The following MYLK3 variants were observed in gnomAD, a reference collection of about 807,000 sequenced individuals.
MYLK3 encodes the protein MLC kinase.
Under a neutral mutation model 76.3 loss-of-function variants are expected in MYLK3, and 55 were observed. The observed-to-expected ratio is 0.72, with a 90% CI of 0.58 to 0.90. The LOEUF is 0.90. MYLK3 is among the 40% of genes least tolerant of loss of function. The pLI is 0.00. For synonymous variants in MYLK3, 416 were observed against 425.4 expected, an observed-to-expected ratio of 0.98 and a Z score of 0.27; for missense variants, 973 against 1,053.6, an observed-to-expected ratio of 0.92 and a Z score of 1.06.
At chr16:46,719,660 T>G (rs1399233723) in intron 9 of MYLK3, among the ~76,000 whole-genome samples, 1 of 152,158 alleles carries the variant, frequency 6.6e-6, no homozygotes, top group African/African-American at 2.4e-5. Context: ...GGCTGCTCAG[T>G]TCTGTGGGTT....
intron 9 of MYLK3, among the ~76,000 whole-genome samples, chr16:46,713,483 C>A (rs373744336): frequency 3.9e-5 from 6 of 152,130 alleles, no homozygotes; most frequent in African/African-American, 1.4e-4. Flanking sequence ...CATGCATGAG[C>A]CACTACACCC....
At chr16:46,736,293 T>C (rs1288590805) in intron 3 of MYLK3, among the ~76,000 whole-genome samples, 1 of 152,198 alleles carries the variant, frequency 6.6e-6, no homozygotes, top group East Asian at 1.9e-4. Context: ...GATCAAGGCA[T>C]GAGCCACAGT....
At chr16:46,719,990 C>A (rs1966783466) in intron 9 of MYLK3, among the ~76,000 whole-genome samples, 1 of 152,100 alleles carries the variant, frequency 6.6e-6, no homozygotes, top group Admixed American at 6.5e-5. Flanking sequence ...CCAGTCTGAC[C>A]CACTTAGTGA....
At chr16:46,740,733 G>T (rs1169614524) in intron 1 of MYLK3, among the ~76,000 whole-genome samples, 1 of 151,676 alleles carries the variant, frequency 6.6e-6, no homozygotes, top group Non-Finnish European at 1.5e-5. Context: ...TGTATTTTTA[G>T]TAGAGACAGG....
Position 46,757,437 on chromosome 16 carries a change from G to A in MYLK3, c.-114+5603C>T, listed in dbSNP as rs757436008. ...CTGCCCTTACCGCAAATATCTGGGTGTAACCCGACGCCCGCTGCTGGCCTC... is the reference window on the plus strand; with the variant it reads ...CTGCCCTTACCGCAAATATCTGGGTATAACCCGACGCCCGCTGCTGGCCTC... On this transcript the variant is annotated intron_variant, in intron 1 of 11. Transcript: ENST00000536476. 29 of 985,344 alleles carry A rather than the reference G, an allele frequency of 2.9e-5. 1 individual carries two copies. The East Asian group carries it at 2.8e-3, about 96-fold the overall frequency. The allele number at this position is 985,344 out of a possible 1,614,324, so 61.0% of individuals were successfully genotyped here. A position where few individuals can be genotyped will look rare whatever the true frequency, so the allele number is the denominator to read the frequency against.
upstream of MYLK3, among the ~76,000 whole-genome samples, chr16:46,750,950 GC>G (rs2143017610): frequency 6.6e-6 from 1 of 152,202 alleles, no homozygotes; most frequent in East Asian, 1.9e-4. Context: ...CTGAGATCAC[GC>G]CATTGCACTC....
At chr16:46,760,060 A>G (rs538235429) in intron 1 of MYLK3, among the ~76,000 whole-genome samples, 2 of 152,246 alleles carry the variant, frequency 1.3e-5, no homozygotes, top group Non-Finnish European at 2.9e-5. Context: ...TGGAACCAGG[A>G]CAACCCGCCT....
chr16:46,719,359 C>T (rs560145631), intron 9 of MYLK3, among the ~76,000 whole-genome samples: 64 of 152,014 alleles, frequency 4.2e-4, no homozygotes, highest in African/African-American at 1.5e-3. Context: ...ATGTGATTCC[C>T]AGAGAAATGT....
chr16:46,740,222 C>A, intron 1 of MYLK3, 75 bp from the exon 2 acceptor site: 1 of 1,192,894 alleles, frequency 8.4e-7, no homozygotes, highest in Admixed American at 1.7e-5. Context: ...TTGTTTAGCA[C>A]CTCCCCCTTG....
intron 5 of MYLK3, chr16:46,729,912 C>T: frequency 1.7e-6 from 1 of 598,788 alleles, no homozygotes; most frequent in South Asian, 2.0e-5. Context: ...GGAACATCCC[C>T]TCATCCCTCA....
Position 46,721,081 on chromosome 16 carries a change from C to T in MYLK3, c.1985+42G>A, listed in dbSNP as rs761187994. ...CCATGCCCAGAGAGCCACAAAGAGT[C>T]CCAAGGAATTTTGTTAAGGTATCTA... On this transcript the variant is annotated intron_variant, in intron 9 of 12. Transcript: ENST00000394809. 4 of 1,565,478 alleles carry T rather than the reference C, an allele frequency of 2.6e-6. No homozygotes were observed. The African/African-American group carries it at 5.4e-5, about 21-fold the overall frequency.
intron 5 of MYLK3, 79 bp from the exon 6 acceptor site, chr16:46,729,766 TCATCCACACACAGGCCATGTGGAC>T: frequency 1.6e-6 from 2 of 1,258,080 alleles, no homozygotes; most frequent in Non-Finnish European, 2.3e-6. Context: ...TGGGTCCAAC[TCATCCACACACAGGCCATGTGGAC>T]CATCCTACAT....
At chr16:46,733,350 C>A (rs899430237) in intron 3 of MYLK3, among the ~76,000 whole-genome samples, 1 of 152,124 alleles carries the variant, frequency 6.6e-6, no homozygotes, top group African/African-American at 2.4e-5. Flanking sequence ...GTGAGAGACC[C>A]TGTCTCAAAA....
Position 46,734,569 on chromosome 16 carries a change from T to G in MYLK3, c.1002-1901A>C, listed in dbSNP as rs576235898. On this transcript the variant is annotated intron_variant, in intron 3 of 12. Transcript: ENST00000394809. ...CCAGGAGGTGGAGTTTGCAGTGAGT[T>G]GAGATCATGCCACTGCACTCCAGCC... Among the ~76,000 whole-genome samples the G allele has an allele frequency of 3.3e-5, 5 of 152,100 alleles. No individual in the cohort carries two copies. In the South Asian group the frequency reaches 1.0e-3, roughly 32 times the overall value.
At chr16:46,708,919 T>C (rs947991761) in intron 12 of MYLK3, among the ~76,000 whole-genome samples, 18 of 152,236 alleles carry the variant, frequency 1.2e-4, no homozygotes, top group African/African-American at 3.9e-4. Context: ...AAGCAGTTAG[T>C]TCAGGAGCTT....
intron 7 of MYLK3, 53 bp from the exon 8 acceptor site, chr16:46,727,430 C>T (rs1230140394): frequency 1.9e-6 from 3 of 1,555,504 alleles, no homozygotes; most frequent in East Asian, 2.3e-5. Context: ...CTCTTCAGGG[C>T]TTGTCCACTG....
chr16:46,731,505 G>A (rs1039970114), intron 4 of MYLK3, among the ~76,000 whole-genome samples: 11 of 152,174 alleles, frequency 7.2e-5, no homozygotes, highest in African/African-American at 2.4e-5. Context: ...TCGGGCTAGC[G>A]TTTGTTCAGT....
At chr16:46,747,464 T>C (rs1317850379) in intron 1 of MYLK3, among the ~76,000 whole-genome samples, 2 of 152,216 alleles carry the variant, frequency 1.3e-5, no homozygotes. Context: ...ACAGCTAGGT[T>C]CCCTGGAGCT....
intron 1 of MYLK3, among the ~76,000 whole-genome samples, chr16:46,757,987 G>T (rs1967222306): frequency 6.6e-6 from 1 of 152,126 alleles, no homozygotes; most frequent in South Asian, 2.1e-4. Context: ...GGTCTTCAGT[G>T]GGGCTGCTTG....
Sources: gnomAD v4.1 joint callset for allele counts (sites outside exome capture counted in the v4.1 genomes callset) on GRCh38, gnomAD v4.1.1 for gene constraint, MANE v1.5 for transcripts, NCBI Gene and HGNC (gene_info 2026-07-23, HGNC 2026-07-21) for gene names.